CPAMD8: variants seen among roughly 807,000 people sequenced by gnomAD.
CPAMD8 encodes the protein C3 and PZP-like alpha-2-macroglobulin domain-containing protein 8.
Under a neutral mutation model 224.7 loss-of-function variants are expected in CPAMD8, and 146 were observed. That is an observed-to-expected ratio of 0.65 (90% confidence interval 0.57 to 0.75). CPAMD8 has a LOEUF of 0.75. CPAMD8 is among the 30% of genes least tolerant of loss of function. The pLI is 0.00. For missense variants in CPAMD8, 2,301 were observed against 2,537.5 expected (o/e 0.91, Z 2.00); for synonymous variants, 966 against 1,044.6 (o/e 0.92, Z 1.45).
chr19:16,915,611 G>A (rs1267366617), intron 27 of CPAMD8, among the ~76,000 whole-genome samples: 1 of 152,158 alleles, frequency 6.6e-6, no homozygotes, highest in African/African-American at 2.4e-5. Context: ...AGTAAGAGCT[G>A]GCAAGGCCAG....
chr19:16,939,863 G>A (rs543331481), intron 22 of CPAMD8, among the ~76,000 whole-genome samples: 1 of 152,018 alleles, frequency 6.6e-6, no homozygotes, highest in African/African-American at 2.4e-5. Flanking sequence ...GGCTTTACTG[G>A]GTCTTTAGCT....
chr19:17,002,409 C>G (rs1292620586), intron 8 of CPAMD8, 59 bp from the exon 9 acceptor site: 2 of 1,192,308 alleles, frequency 1.7e-6, no homozygotes, highest in Non-Finnish European at 2.5e-6. Flanking sequence ...GCCTCAGGAG[C>G]CCTGACACCG....
chr19:16,953,442 G>A (rs963019546), intron 19 of CPAMD8, among the ~76,000 whole-genome samples: 6 of 151,928 alleles, frequency 3.9e-5, no homozygotes, highest in African/African-American at 1.5e-4. Flanking sequence ...GCTTACTCCT[G>A]TAATCCCAGC....
intron 18 of CPAMD8, among the ~76,000 whole-genome samples, chr19:16,969,533 G>A (rs1447402692): frequency 6.6e-6 from 1 of 152,126 alleles, no homozygotes; most frequent in African/African-American, 2.4e-5. Flanking sequence ...GCTTCTAGGA[G>A]ATGATCAGGT....
Position 16,899,860 on chromosome 19 carries a change from T to C in CPAMD8, c.4774-311A>G, listed in dbSNP as rs997721579. 4.0e-5 allele frequency among the ~76,000 whole-genome samples: 6 copies of C among 150,854 alleles called. No homozygotes were observed. The highest frequency in any genetic ancestry group is 6.6e-5 in the Admixed American group (1 of 15,156). On this transcript the variant is annotated intron_variant, in intron 36 of 41. Transcript: ENST00000443236. The surrounding 1 kb of genome is among the most constrained non-coding windows in gnomAD (Gnocchi z 5.4). Reference sequence around the variant, plus strand: ...GGCTGAGCCCTGCCGCCTGCTGGTGTCTCAGCTGCACTGTTCAAGTTCCCC... The same window carrying C: ...GGCTGAGCCCTGCCGCCTGCTGGTGCCTCAGCTGCACTGTTCAAGTTCCCC...
At chr19:16,986,939 T>C (rs954844459) in intron 13 of CPAMD8, among the ~76,000 whole-genome samples, 1 of 151,768 alleles carries the variant, frequency 6.6e-6, no homozygotes, top group African/African-American at 2.4e-5. Context: ...GTGGATCACC[T>C]GAGGCCAGGA....
chr19:16,896,503 C>T lies in CPAMD8; in HGVS notation c.5228G>A (p.Arg1743His). 7.0e-7 allele frequency: 1 copy of T among 1,426,424 alleles called. No homozygotes were observed. Among genetic ancestry groups the T allele is most frequent in the Non-Finnish European group, 9.1e-7 (1 of 1,101,474 alleles). The allele number at this position is 1,426,424 out of a possible 1,614,324, so 88.4% of individuals were successfully genotyped here. The change falls in exon 40 of 42, where the codon CGC (arginine) becomes CAC (histidine). Residue 1743 changes from arginine (R) to histidine (H), a missense_variant. Coordinates refer to ENST00000443236, the MANE Select transcript of CPAMD8 (RefSeq NM_015692.5). ...CGCGGGCTCCAGGGGCGCGGCCTGG[C>T]GGCAGGCGGCCTCCCGCAGGCGGCA... ...SACRLREAAC[R>H]QAAPLEPAPP...
intron 22 of CPAMD8, among the ~76,000 whole-genome samples, chr19:16,938,999 G>T (rs1302014056): frequency 6.6e-6 from 1 of 152,120 alleles, no homozygotes; most frequent in Non-Finnish European, 1.5e-5. Context: ...CTTAAAAAGG[G>T]ATGCCCAGAA....
rs779885269 is a variant in CPAMD8 at position 16,993,573 on chromosome 19, T to C, written c.1109A>G (p.Tyr370Cys). ...CCCCTCAGCTGGGCTGCCATCGGGG[T>C]AGGATAGCTCCACCTAGAAAAGGTC... is the stretch of plus-strand genomic sequence containing the variant. ...LAYVGKVELSYPDGSPAEGVT... is the reference protein window; with the variant it reads ...LAYVGKVELSCPDGSPAEGVT... The change falls in exon 12 of 42, where the codon TAC becomes TGC. Residue 370 changes from tyrosine (Y) to cysteine (C), a missense_variant. Tyr to Cys is a radical substitution (Grantham distance 194, BLOSUM62 -2). This residue lies in a region of CPAMD8 where 301 missense variants were observed against 406.6 expected (regional missense o/e 0.74). Coordinates refer to ENST00000443236, the MANE Select transcript of CPAMD8 (RefSeq NM_015692.5). 2 of 1,613,980 alleles carry C rather than the reference T, an allele frequency of 1.2e-6. No individual in the cohort carries two copies. The highest frequency in any genetic ancestry group is 1.1e-5 in the South Asian group (1 of 91,064).
chr19:16,904,701 A>G (rs1053996631), intron 30 of CPAMD8, 149 bp from the exon 31 acceptor site: 1 of 662,076 alleles, frequency 1.5e-6, no homozygotes, highest in Admixed American at 2.2e-5. Context: ...TGGAACAGGA[A>G]GGGCCTTGGG....
chr19:16,936,303 T>C (rs2053681279), intron 23 of CPAMD8, among the ~76,000 whole-genome samples: 3 of 152,240 alleles, frequency 2.0e-5, no homozygotes, highest in Admixed American at 1.3e-4. Flanking sequence ...ATTTCCCTAA[T>C]GATAAATGAT....
Position 16,997,245 on chromosome 19 carries a change from T to C in CPAMD8, c.961A>G (p.Met321Val), listed in dbSNP as rs746045167. The change falls in exon 11 of 42, where the codon ATG becomes GTG. Residue 321 changes from methionine (M) to valine (V), a missense_variant. Coordinates refer to ENST00000443236, the MANE Select transcript of CPAMD8 (RefSeq NM_015692.5). ...TGGCTCCCGTCCACACTGGTCACCATGGCCCAGATGCTGACCCTGCCCCGG... is the reference window on the plus strand; with the variant it reads ...TGGCTCCCGTCCACACTGGTCACCACGGCCCAGATGCTGACCCTGCCCCGG... ...HFRGRVSIWA[M>V]VTSVDGSQQV... The C allele has an allele frequency of 6.4e-7, 1 of 1,551,636 alleles. No homozygotes were observed. Among genetic ancestry groups the C allele is most frequent in the South Asian group, 1.1e-5 (1 of 89,470 alleles).
intron 29 of CPAMD8, chr19:16,907,589 A>G (rs1236342573): frequency 1.4e-5 from 2 of 139,944 alleles, no homozygotes; most frequent in African/African-American, 5.3e-5. Context: ...GCCTGGCAAC[A>G]GAGTGAGGCT....
At chr19:17,013,972 C>G (rs1366646447) in intron 3 of CPAMD8, among the ~76,000 whole-genome samples, 1 of 137,702 alleles carries the variant, frequency 7.3e-6, no homozygotes, top group East Asian at 2.3e-4. Flanking sequence ...TTCTTCCTTC[C>G]TTCCATCCTT....
rs2144900604 is a variant in CPAMD8, at chr19:16,921,969, T to C, written c.3565A>G (p.Thr1189Ala). 6.5e-7 allele frequency: 1 copy of C among 1,548,190 alleles called. No individual in the cohort carries two copies. Among genetic ancestry groups the C allele is most frequent in the Non-Finnish European group, 8.7e-7 (1 of 1,146,660 alleles). Reference protein sequence around the residue: ...YLVQGYQRQLTYKRQDGSYSA... With the variant: ...YLVQGYQRQLAYKRQDGSYSA... The stretch of plus-strand genomic sequence containing the variant: ...TAGGAGCCATCCTGGCGCTTGTAGG[T>C]CAGCTGGCGCTGGTAGCCTGTGGGG... Residue 1189 changes from threonine to alanine, a missense_variant, in exon 27 of 42, where the codon ACC becomes GCC. Thr to Ala is a moderately conservative substitution (Grantham distance 58). This residue lies in a region of CPAMD8 where 1,709 missense variants were observed against 1,753.2 expected (regional missense o/e 0.97). Transcript: ENST00000443236.
At position 16,925,207 on chromosome 19, in the gene CPAMD8, T is replaced by C; in HGVS notation, c.3536A>G (p.Tyr1179Cys). 1 of 1,614,172 alleles carries C rather than the reference T, an allele frequency of 6.2e-7. No homozygotes were observed. The highest frequency in any genetic ancestry group is 8.5e-7 in the Non-Finnish European group (1 of 1,180,016). Reference protein sequence around the residue: ...SPEVERETTDYLVQGYQRQLT... With the variant: ...SPEVERETTDCLVQGYQRQLT... ...TTCTTCCCCAATACCTTGTACTAGG[T>C]AGTCGGTGGTCTCTCTCTCCACCTC... The change falls in exon 26 of 42, where the codon TAC (tyrosine) becomes TGC (cysteine). Residue 1179 changes from tyrosine (Y) to cysteine (C), a missense_variant. Transcript: ENST00000443236.
At chr19:16,935,102 G>A (rs1489191679) in intron 23 of CPAMD8, among the ~76,000 whole-genome samples, 1 of 152,068 alleles carries the variant, frequency 6.6e-6, no homozygotes, top group African/African-American at 2.4e-5. Context: ...TTTTAAAAAT[G>A]TTTTTAACTT....
At position 17,002,469 on chromosome 19, in the gene CPAMD8, CTG is replaced by C; in HGVS notation, c.674-121_674-120del. On this transcript the variant is annotated intron_variant, in intron 8 of 41. Coordinates refer to ENST00000443236, the MANE Select transcript of CPAMD8 (RefSeq NM_015692.5). ...CACCTGGCCACCACCGAGGTTGACA[CTG>C]TACCCATCCACACCACTCTGCTGAG... 4.5e-6 allele frequency: 3 copies of C among 664,898 alleles called. No homozygotes were observed. The South Asian group carries it at 5.3e-5, about 12-fold the overall frequency. The allele number at this position is 664,898 out of a possible 1,614,324, so 41.2% of individuals were successfully genotyped here.
chr19:16,950,793 GAAAAAA>G (rs757775739), intron 20 of CPAMD8, among the ~76,000 whole-genome samples: 8 of 45,884 alleles, frequency 1.7e-4, no homozygotes, highest in Admixed American at 4.9e-4. Context: ...ACCCTGTCTC[GAAAAAA>G]AAAAAAAAAA....
Sources: gnomAD v4.1 joint callset for allele counts (sites outside exome capture counted in the v4.1 genomes callset) on GRCh38, gnomAD v4.1.1 for gene constraint, gnomAD v4.1.1 regional missense constraint, Gnocchi (gnomAD v3.1) non-coding constraint, MANE v1.5 for transcripts, NCBI Gene and HGNC (gene_info 2026-07-23, HGNC 2026-07-21) for gene names.